ELAVL4: variants seen among roughly 807,000 people sequenced by gnomAD.
ELAVL4 encodes ELAV-like protein 4.
ELAVL4 carries 1 observed loss-of-function variant against 35.6 expected under a neutral mutation model. The ratio of observed to expected loss-of-function variants is 0.03; its 90% CI spans 0.01 to 0.13. ELAVL4 has a LOEUF of 0.13. Among genes scored for constraint, ELAVL4 ranks in the 10% least tolerant of loss-of-function variants. The pLI, the probability that ELAVL4 is intolerant of heterozygous loss-of-function variation, is 1.00. For synonymous variants in ELAVL4, 156 were observed against 171.0 expected, an observed-to-expected ratio of 0.91 and a Z score of 0.69; for missense variants, 267 against 464.9, an observed-to-expected ratio of 0.57 and a Z score of 3.91.
chr1:50,203,641 T>G lies in ELAVL4; in HGVS notation c.*2463T>G, dbSNP rs1462325126. 6.6e-6 allele frequency: 1 copy of G among 152,180 alleles called. No homozygotes were observed. Among genetic ancestry groups the G allele is most frequent in the Non-Finnish European group, 1.5e-5 (1 of 68,018 alleles). 9.4% of individuals were successfully genotyped at this position (152,180 alleles called of 1,614,324 possible). On this transcript the variant is annotated 3_prime_UTR_variant, in exon 7 of 7. Transcript: ENST00000371824. Reference sequence around the variant, plus strand: ...ATACTTTAGTTATTAATGAATGACTTCATGTTAATCTTGCTAGTTTAGATG... The same window carrying G: ...ATACTTTAGTTATTAATGAATGACTGCATGTTAATCTTGCTAGTTTAGATG...
chr1:50,170,122 A>T (rs1183740670), intron 2 of ELAVL4, among the ~76,000 whole-genome samples: 5 of 152,202 alleles, frequency 3.3e-5, no homozygotes, highest in Admixed American at 2.0e-4. Flanking sequence ...TTCATTGAGG[A>T]ATAACATTCA....
chr1:50,136,480 A>G (rs989714598), intron 1 of ELAVL4, among the ~76,000 whole-genome samples: 2 of 152,182 alleles, frequency 1.3e-5, no homozygotes, highest in Non-Finnish European at 2.9e-5. Context: ...CTTGGTAAAC[A>G]TTATTCTTCA....
upstream of ELAVL4, among the ~76,000 whole-genome samples, chr1:50,104,202 T>G (rs539850708): frequency 3.2e-4 from 49 of 152,340 alleles, no homozygotes; most frequent in Admixed American, 1.7e-3. Flanking sequence ...TTTACCCTTT[T>G]CAAATTAAAA....
At chr1:50,165,359 T>G (rs890484443) in intron 2 of ELAVL4, among the ~76,000 whole-genome samples, 4 of 151,888 alleles carry the variant, frequency 2.6e-5, no homozygotes, top group South Asian at 4.2e-4. Context: ...AACATCATGT[T>G]AGCAGTGAGG....
chr1:50,121,300 T>C (rs1245663770), intron 1 of ELAVL4, among the ~76,000 whole-genome samples: 4 of 152,160 alleles, frequency 2.6e-5, no homozygotes, highest in Non-Finnish European at 5.9e-5. Context: ...ATCCATTGAA[T>C]TGTATCCTTG....
intron 1 of ELAVL4, among the ~76,000 whole-genome samples, chr1:50,089,119 C>T (rs536579582): frequency 6.6e-6 from 1 of 152,234 alleles, no homozygotes; most frequent in East Asian, 1.9e-4. Context: ...CTGCCAGTCA[C>T]TAGGATAAAG....
chr1:50,063,898 T>C (rs1485133223), intron 1 of ELAVL4, among the ~76,000 whole-genome samples: 1 of 152,208 alleles, frequency 6.6e-6, no homozygotes, highest in Non-Finnish European at 1.5e-5. Context: ...TGTATGGTCT[T>C]TTCCCACCCA....
chr1:50,155,965 G>A (rs979189337), intron 2 of ELAVL4, among the ~76,000 whole-genome samples: 9 of 151,952 alleles, frequency 5.9e-5, no homozygotes, highest in East Asian at 3.9e-4. Flanking sequence ...CAAGAGCTCC[G>A]CACACCCCAG....
chr1:50,166,200 C>T (rs1303237995), intron 2 of ELAVL4, among the ~76,000 whole-genome samples: 1 of 152,054 alleles, frequency 6.6e-6, no homozygotes, highest in Non-Finnish European at 1.5e-5. Context: ...TCAGTATTAA[C>T]CATCACAGGT....
chr1:50,187,875 C>A (rs1372203600), intron 3 of ELAVL4, among the ~76,000 whole-genome samples: 1 of 152,060 alleles, frequency 6.6e-6, no homozygotes, highest in Non-Finnish European at 1.5e-5. Flanking sequence ...ACGAGCAGAT[C>A]ATCTGAGGTC....
chr1:50,140,535 A>G (rs1405414393), intron 1 of ELAVL4, among the ~76,000 whole-genome samples: 1 of 152,090 alleles, frequency 6.6e-6, no homozygotes, highest in Non-Finnish European at 1.5e-5. Context: ...TTTCCAGGTA[A>G]TGTTTTAAAA....
intron 1 of ELAVL4, among the ~76,000 whole-genome samples, chr1:50,112,544 T>A (rs905121214): frequency 1.3e-5 from 2 of 152,128 alleles, no homozygotes; most frequent in African/African-American, 4.8e-5. Context: ...TAAGTAGCAG[T>A]TTTAATGATC....
intron 1 of ELAVL4, among the ~76,000 whole-genome samples, chr1:50,080,934 A>G (rs1189760348): frequency 6.6e-6 from 1 of 152,214 alleles, no homozygotes; most frequent in Non-Finnish European, 1.5e-5. Flanking sequence ...TTCATCTTGC[A>G]GAGTCGATAC....
intron 5 of ELAVL4, among the ~76,000 whole-genome samples, chr1:50,196,545 T>A (rs1472888394): frequency 1.3e-5 from 2 of 152,246 alleles, no homozygotes; most frequent in Admixed American, 6.5e-5. Flanking sequence ...TTCCCTTTGA[T>A]GAAAATGTTT....
At chr1:50,168,514 C>T (rs1678373580) in intron 2 of ELAVL4, among the ~76,000 whole-genome samples, 1 of 152,180 alleles carries the variant, frequency 6.6e-6, no homozygotes, top group Non-Finnish European at 1.5e-5. Context: ...ATTTGAAGCT[C>T]AGTATCTGCT....
At chr1:50,189,680 G>A (rs1682380575) in intron 3 of ELAVL4, among the ~76,000 whole-genome samples, 1 of 152,166 alleles carries the variant, frequency 6.6e-6, no homozygotes, top group Admixed American at 6.5e-5. Flanking sequence ...TAGATTCCCA[G>A]GCTGGCCCAC....
chr1:50,163,526 T>A (rs1677168147), intron 2 of ELAVL4, among the ~76,000 whole-genome samples: 1 of 152,170 alleles, frequency 6.6e-6, no homozygotes, highest in Non-Finnish European at 1.5e-5. Flanking sequence ...GAGTTGGTAC[T>A]AGAAAACCCA....
intron 2 of ELAVL4, among the ~76,000 whole-genome samples, chr1:50,151,363 G>A (rs958368782): frequency 6.6e-6 from 1 of 152,128 alleles, no homozygotes; most frequent in Non-Finnish European, 1.5e-5. Flanking sequence ...TAAATTTTTG[G>A]TATTAAACAG....
chr1:50,164,352 G>A (rs1677354851), intron 2 of ELAVL4, among the ~76,000 whole-genome samples: 2 of 152,114 alleles, frequency 1.3e-5, no homozygotes, highest in African/African-American at 4.8e-5. Flanking sequence ...TCACAAGGCA[G>A]CCCACCCCTT....
Sources: allele counts gnomAD v4.1 joint callset (sites outside exome capture counted in the v4.1 genomes callset), GRCh38; gene constraint gnomAD v4.1.1; transcripts MANE v1.5; gene names NCBI Gene and HGNC (gene_info 2026-07-23, HGNC 2026-07-21).